ABCB5: variants seen among roughly 807,000 people sequenced by gnomAD.
ABCB5 encodes ATP binding cassette subfamily B member 5.
A neutral mutation model predicts 144.2 loss-of-function variants in ABCB5; 155 were observed. That is an observed-to-expected ratio of 1.08 (90% CI 0.94 to 1.23). ABCB5 has a LOEUF of 1.23. Ranked by LOEUF, ABCB5 falls within the 50% of genes most tolerant of loss-of-function variation. ABCB5 has a pLI of 0.00. For synonymous variants in ABCB5, 610 were observed against 528.6 expected, an observed-to-expected ratio of 1.15 and a Z score of -2.11; for missense variants, 1,830 against 1,520.8, an observed-to-expected ratio of 1.20 and a Z score of -3.38.
intron 12 of ABCB5, 72 bp from the exon 13 acceptor site, chr7:20,651,348 G>A: frequency 7.1e-7 from 1 of 1,413,874 alleles, no homozygotes; most frequent in South Asian, 1.2e-5. Flanking sequence ...TTATATTTTG[G>A]TCTAGTATGA....
At chr7:20,620,027 T>G (rs980204666) in intron 1 of ABCB5, among the ~76,000 whole-genome samples, 13 of 152,218 alleles carry the variant, frequency 8.5e-5, no homozygotes, top group Admixed American at 1.3e-4. Flanking sequence ...TCCATTGATC[T>G]GTGTGTCTCT....
chr7:20,685,992 G>A (rs961945325), intron 16 of ABCB5, among the ~76,000 whole-genome samples, 156 bp downstream of exon 16: 1 of 152,130 alleles, frequency 6.6e-6, no homozygotes, highest in Admixed American at 6.5e-5. Context: ...GCATCAGTGT[G>A]TCACTCTAGG....
chr7:20,707,346 GACA>G (rs2128045110), intron 20 of ABCB5, among the ~76,000 whole-genome samples: 1 of 152,162 alleles, frequency 6.6e-6, no homozygotes, highest in South Asian at 2.1e-4. Context: ...AGAGTCATAG[GACA>G]ACATGATTCC....
intron 15 of ABCB5, among the ~76,000 whole-genome samples, chr7:20,683,086 C>A (rs182510345): frequency 0.032 from 4,797 of 152,076 alleles, 271 homozygotes; most frequent in African/African-American, 0.11. Flanking sequence ...TCTTTGATGT[C>A]AATATTATTA....
intron 4 of ABCB5, among the ~76,000 whole-genome samples, chr7:20,631,159 C>T (rs752251582): frequency 4.6e-5 from 7 of 152,134 alleles, no homozygotes; most frequent in Non-Finnish European, 8.8e-5. Context: ...ATATAATCTA[C>T]ACACTGAGAT....
In ABCB5 at chr7:20,727,125, T is replaced by G; in HGVS notation, c.2711T>G (p.Leu904Arg). ...TTCGAGCAAATGTATGAAGAGATGC[T>G]TCAGACTCAACACAGGTGATTATAG... Reference protein sequence around the residue: ...KAFEQMYEEMLQTQHRNTSKK... With the variant: ...KAFEQMYEEMRQTQHRNTSKK... The change falls in exon 22 of 28, where the codon CTT (leucine) becomes CGT (arginine). Residue 904 changes from leucine to arginine, a missense_variant. Transcript: ENST00000404938. 6.2e-7 allele frequency: 1 copy of G among 1,613,306 alleles called. No homozygotes were observed. Among genetic ancestry groups the G allele is most frequent in the Non-Finnish European group, 8.5e-7 (1 of 1,179,524 alleles).
chr7:20,666,028 G>T (rs1785180719), intron 14 of ABCB5, among the ~76,000 whole-genome samples: 1 of 152,076 alleles, frequency 6.6e-6, no homozygotes, highest in South Asian at 2.1e-4. Flanking sequence ...AAATTAGCCG[G>T]GCGTGGTGGC....
Position 20,643,362 on chromosome 7 carries a change from A to G in ABCB5, c.493A>G (p.Thr165Ala). ...TAGCTGTGACATCGGTGAACTTAACACTCGCATGACAGAGTAAGAGGATGA... is the reference window on the plus strand; with the variant it reads ...TAGCTGTGACATCGGTGAACTTAACGCTCGCATGACAGAGTAAGAGGATGA... ...FDSCDIGELN[T>A]RMTDDIDKIS... is the part of the protein sequence containing the mutation. The change falls in exon 6 of 28, where the codon ACT (threonine) becomes GCT (alanine). Residue 165 changes from threonine to alanine, a missense_variant. Thr to Ala is a moderately conservative substitution (Grantham distance 58). Coordinates refer to ENST00000404938, the MANE Select transcript of ABCB5 (RefSeq NM_001163941.2). The G allele has an allele frequency of 6.2e-7, 1 of 1,613,870 alleles. No homozygotes were observed. Among genetic ancestry groups the G allele is most frequent in the South Asian group, 1.1e-5 (1 of 91,078 alleles).
chr7:20,712,506 A>G (rs891568673), intron 20 of ABCB5, among the ~76,000 whole-genome samples: 1 of 149,390 alleles, frequency 6.7e-6, no homozygotes, highest in Admixed American at 6.7e-5. Flanking sequence ...CTCTAATTCT[A>G]CATATATTAG....
At chr7:20,659,625 C>T (rs1212894128) in intron 14 of ABCB5, 6 of 988,350 alleles carry the variant, frequency 6.1e-6, no homozygotes, top group South Asian at 4.6e-5. Flanking sequence ...GTGGACACTT[C>T]GGCAATTTGG....
Position 20,704,765 on chromosome 7 carries a change from C to T in ABCB5, c.2379C>T (p.Gly793=). Residue 793 remains glycine, a synonymous_variant, in exon 20 of 28, where the codon GGC becomes GGT. Coordinates refer to ENST00000404938, the MANE Select transcript of ABCB5 (RefSeq NM_001163941.2). ...WFDEKENSTG[G]LTTILAIDIA... is the part of the protein sequence containing the mutation. The stretch of plus-strand genomic sequence containing the variant: ...ATGAAAAGGAAAACAGCACAGGAGG[C>T]TTGACAACAATATTAGCCATAGATA... 6.2e-7 allele frequency: 1 copy of T among 1,613,726 alleles called. No homozygotes were observed. The highest frequency in any genetic ancestry group is 1.1e-5 in the South Asian group (1 of 91,058).
chr7:20,742,776 G>A (rs1782601318), intron 24 of ABCB5, 101 bp from the exon 25 acceptor site: 2 of 1,181,676 alleles, frequency 1.7e-6, no homozygotes, highest in Non-Finnish European at 2.4e-6. Flanking sequence ...AAAGGGCTCT[G>A]GAAACATGCA....
chr7:20,619,228 G>C (rs1446281812), intron 1 of ABCB5, among the ~76,000 whole-genome samples: 1 of 152,156 alleles, frequency 6.6e-6, no homozygotes, highest in Non-Finnish European at 1.5e-5. Context: ...GGGTTGAATG[G>C]TAGTTCTGTT....
intron 20 of ABCB5, among the ~76,000 whole-genome samples, chr7:20,706,154 T>G (rs985767200): frequency 3.9e-5 from 6 of 152,170 alleles, no homozygotes; most frequent in African/African-American, 1.4e-4. Flanking sequence ...AGCATTAACC[T>G]CCGTAGCACA....
intron 16 of ABCB5, among the ~76,000 whole-genome samples, chr7:20,693,067 A>G (rs931455884): frequency 4.6e-5 from 7 of 152,328 alleles, no homozygotes; most frequent in Admixed American, 2.6e-4. Flanking sequence ...ACAACAGAGT[A>G]TGTCTTCTTC....
intron 1 of ABCB5, among the ~76,000 whole-genome samples, chr7:20,619,311 A>G (rs894874194): frequency 2.6e-5 from 4 of 152,182 alleles, no homozygotes; most frequent in Non-Finnish European, 1.5e-5. Context: ...CCAGCCTTAT[A>G]TAAGTGTTCC....
At chr7:20,704,623 G>A in intron 19 of ABCB5, 101 bp from the exon 20 acceptor site, 2 of 771,858 alleles carry the variant, frequency 2.6e-6, no homozygotes, top group Admixed American at 4.7e-5. Context: ...ACCTGTGAGT[G>A]AGGAGGCAGG....
intron 20 of ABCB5, among the ~76,000 whole-genome samples, chr7:20,711,858 T>TTTCC (rs1562573878): frequency 1.4e-5 from 1 of 72,838 alleles, no homozygotes; most frequent in African/African-American, 6.1e-5. Context: ...TCTTTCTTTC[T>TTTCC]TTCCTTCCTC....
chr7:20,740,391 T>C (rs1046460763), intron 24 of ABCB5, among the ~76,000 whole-genome samples: 4 of 152,212 alleles, frequency 2.6e-5, no homozygotes, highest in African/African-American at 7.2e-5. Context: ...TATTTCCCTC[T>C]AGAATTTTAA....
Sources: gnomAD v4.1 joint callset for allele counts (sites outside exome capture counted in the v4.1 genomes callset) on GRCh38, gnomAD v4.1.1 for gene constraint, MANE v1.5 for transcripts, NCBI Gene and HGNC (gene_info 2026-07-23, HGNC 2026-07-21) for gene names.